SLC36A1: variants seen among roughly 807,000 people sequenced by gnomAD.
The protein encoded by SLC36A1 is solute carrier family 36 member 1, also known as proton-coupled amino acid transporter 1.
A neutral mutation model predicts 47.5 loss-of-function variants in SLC36A1; 30 were observed. The ratio of observed to expected loss-of-function variants is 0.63; its 90% CI spans 0.47 to 0.86. The LOEUF (loss-of-function observed/expected upper bound fraction) is 0.86, where lower values mean the gene tolerates loss of function less well. Among genes scored for constraint, SLC36A1 ranks in the 40% least tolerant of loss-of-function variants. The pLI is 0.00. For synonymous variants in SLC36A1, 255 were observed against 249.7 expected, an observed-to-expected ratio of 1.02 and a Z score of -0.20; for missense variants, 517 against 606.0, an observed-to-expected ratio of 0.85 and a Z score of 1.54.
chr5:151,546,010 T>C, the SLC36A1 span: 1 of 1,613,836 alleles, frequency 6.2e-7, no homozygotes, highest in Non-Finnish European at 8.5e-7. Context: ...AGAATATGAG[T>C]TCATAGAGAA....
chr5:151,542,709 G>A, the SLC36A1 span: 30 of 1,614,130 alleles, frequency 1.9e-5, no homozygotes, highest in East Asian at 6.2e-4. Flanking sequence ...TATTCTCAGT[G>A]AGGACAGCCT....
At chr5:151,527,466 A>T in the SLC36A1 span, 1 of 1,348,886 alleles carries the variant, frequency 7.4e-7, no homozygotes. Flanking sequence ...TTCAAAAAAA[A>T]TAAGAAGGAG....
chr5:151,391,647 C>T, the SLC36A1 span, among the ~76,000 whole-genome samples: 4 of 152,144 alleles, frequency 2.6e-5, no homozygotes, highest in African/African-American at 9.7e-5. Flanking sequence ...TTTTCTGCAT[C>T]TATTGAGATA....
At chr5:151,517,754 T>G in the SLC36A1 span, 1 of 1,614,160 alleles carries the variant, frequency 6.2e-7, no homozygotes, top group Non-Finnish European at 8.5e-7. Context: ...CCACTGAACC[T>G]TGTAGCAGTA....
the SLC36A1 span, among the ~76,000 whole-genome samples, chr5:151,498,105 C>T: frequency 1.2e-4 from 18 of 152,094 alleles, no homozygotes; most frequent in South Asian, 3.5e-3. Context: ...CCACCACGCC[C>T]GACTAATTTT....
At chr5:151,413,804 T>A in the SLC36A1 span, among the ~76,000 whole-genome samples, 11 of 152,214 alleles carry the variant, frequency 7.2e-5, no homozygotes, top group South Asian at 2.1e-4. Flanking sequence ...AAGATGCACC[T>A]GTAGATTCAT....
the SLC36A1 span, chr5:151,378,260 C>A: frequency 5.9e-5 from 13 of 222,196 alleles, no homozygotes; most frequent in Admixed American, 2.3e-4. Context: ...AACACCATCC[C>A]AACAGACTGT....
chr5:151,548,649 T>G, the SLC36A1 span, among the ~76,000 whole-genome samples: 42 of 152,068 alleles, frequency 2.8e-4, no homozygotes, highest in African/African-American at 9.9e-4. Flanking sequence ...CCAGGCTAAT[T>G]TTTGTATTTT....
chr5:151,545,271 C>T, the SLC36A1 span: 36 of 1,613,994 alleles, frequency 2.2e-5, no homozygotes, highest in Middle Eastern at 1.6e-4. Context: ...TTTTTACCAG[C>T]GCAGTGTCTT....
intron 7 of SLC36A1, among the ~76,000 whole-genome samples, chr5:151,471,396 T>TA (rs1185294955): frequency 2.0e-5 from 3 of 152,254 alleles, no homozygotes; most frequent in African/African-American, 4.8e-5. Flanking sequence ...TGTAGAATAA[T>TA]ACACTTCTTC....
At chr5:151,388,302 G>A in the SLC36A1 span, among the ~76,000 whole-genome samples, 1 of 152,148 alleles carries the variant, frequency 6.6e-6, no homozygotes, top group Non-Finnish European at 1.5e-5. Context: ...GGGAATTCAA[G>A]ACCAGACGGT....
chr5:151,354,122 G>A, the SLC36A1 span, among the ~76,000 whole-genome samples: 2 of 152,092 alleles, frequency 1.3e-5, no homozygotes, highest in African/African-American at 2.4e-5. Context: ...TGGCCAACAT[G>A]GTGAAACCCC....
chr5:151,362,595 TG>T, the SLC36A1 span, among the ~76,000 whole-genome samples: 1 of 152,060 alleles, frequency 6.6e-6, no homozygotes, highest in African/African-American at 2.4e-5. Context: ...TTCACCATGT[TG>T]GCTGTGCTGG....
chr5:151,517,472 G>A, the SLC36A1 span: 6 of 964,628 alleles, frequency 6.2e-6, no homozygotes, highest in Non-Finnish European at 9.2e-6. Context: ...GGATAATCAT[G>A]TGGCCCAACA....
At chr5:151,493,836 G>A (rs1760264572), downstream of SLC36A1, among the ~76,000 whole-genome samples, 1 of 152,194 alleles carries the variant, frequency 6.6e-6, no homozygotes, top group African/African-American at 2.4e-5. Flanking sequence ...GAGGGTTAGA[G>A]AGAATGTTGT....
intron 2 of SLC36A1, among the ~76,000 whole-genome samples, chr5:151,460,143 G>A (rs540880672): frequency 7.9e-5 from 12 of 152,282 alleles, no homozygotes; most frequent in African/African-American, 2.9e-4. Context: ...ATCAGCATTG[G>A]CAGCCCCCAT....
Position 151,467,994 on chromosome 5 carries a change from G to T in SLC36A1, c.723+69G>T, listed in dbSNP as rs934485087. On this transcript the variant is annotated intron_variant, in intron 7 of 10. Coordinates refer to ENST00000243389, the MANE Select transcript of SLC36A1 (RefSeq NM_078483.4). ...AAAAAAGCCAGGCGTGGTAGCTCATGCCTGTAATCCCAGCACTTTGGGAGG... is the reference window on the plus strand; with the variant it reads ...AAAAAAGCCAGGCGTGGTAGCTCATTCCTGTAATCCCAGCACTTTGGGAGG... 4.6e-5 allele frequency: 62 copies of T among 1,335,600 alleles called. No individual in the cohort carries two copies. In the East Asian group the frequency reaches 8.8e-4, roughly 19 times the overall value. 82.7% of individuals were successfully genotyped at this position (1,335,600 alleles called of 1,614,324 possible).
the SLC36A1 span, chr5:151,505,364 C>T: frequency 3.1e-6 from 2 of 643,324 alleles, no homozygotes; most frequent in Non-Finnish European, 5.3e-6. Context: ...AGTGCTGTTT[C>T]TGGAGCTCTA....
the SLC36A1 span, chr5:151,380,681 A>G: frequency 3.6e-6 from 2 of 551,778 alleles, no homozygotes; most frequent in South Asian, 2.8e-5. Flanking sequence ...CAGTTGGTTG[A>G]GCAACTGAAA....
Sources: allele counts gnomAD v4.1 joint callset (sites outside exome capture counted in the v4.1 genomes callset), GRCh38; gene constraint gnomAD v4.1.1; transcripts MANE v1.5; gene names NCBI Gene and HGNC (gene_info 2026-07-23, HGNC 2026-07-21).